The following KATNIP variants were observed in gnomAD, a reference collection of about 807,000 sequenced individuals.
The protein encoded by KATNIP is katanin-interacting protein.
A neutral mutation model predicts 174.0 loss-of-function variants in KATNIP; 126 were observed. The ratio of observed to expected loss-of-function variants is 0.72; its 90% CI spans 0.63 to 0.84. The LOEUF (loss-of-function observed/expected upper bound fraction) is 0.84, where lower values mean the gene tolerates loss of function less well. Ranked by LOEUF, KATNIP falls within the 40% of genes least tolerant of loss-of-function variation. The pLI, the probability that KATNIP is intolerant of heterozygous loss-of-function variation, is 0.00. For synonymous variants in KATNIP, 810 were observed against 835.7 expected, an observed-to-expected ratio of 0.97 and a Z score of 0.53; for missense variants, 1,958 against 2,109.7, an observed-to-expected ratio of 0.93 and a Z score of 1.41.
chr16:27,740,039 A>G lies in KATNIP; in HGVS notation c.1744-2A>G, dbSNP rs754103315. Reference sequence around the variant, plus strand: ...TCACTTTGTTAAATCTTATGGTTTCAGGATCTTGACATTGGTGCCAAGAAC... The same window carrying G: ...TCACTTTGTTAAATCTTATGGTTTCGGGATCTTGACATTGGTGCCAAGAAC... On this transcript the variant is annotated splice_acceptor_variant, in intron 14 of 27. Transcript: ENST00000261588. LOFTEE classifies it high-confidence loss of function. 3.7e-6 allele frequency: 6 copies of G among 1,607,730 alleles called. No homozygotes were observed. The Admixed American group carries it at 5.1e-5, about 14-fold the overall frequency.
intron 15 of KATNIP, among the ~76,000 whole-genome samples, chr16:27,741,321 C>T (rs1470176828): frequency 6.6e-6 from 1 of 152,142 alleles, no homozygotes; most frequent in Non-Finnish European, 1.5e-5. Flanking sequence ...GCCTGTAATC[C>T]CAGCACTTTG....
intron 18 of KATNIP, chr16:27,757,608 C>A: frequency 1.4e-6 from 1 of 718,002 alleles, no homozygotes; most frequent in South Asian, 6.3e-5. Flanking sequence ...CTTTTTACTG[C>A]AAGGCAAGTG....
chr16:27,574,856 T>C (rs548241782), intron 2 of KATNIP, among the ~76,000 whole-genome samples: 118 of 152,250 alleles, frequency 7.8e-4, no homozygotes, highest in African/African-American at 2.7e-3. Flanking sequence ...CGGCCCCACT[T>C]TCTGTTCTTG....
intron 14 of KATNIP, among the ~76,000 whole-genome samples, 194 bp downstream of exon 14, chr16:27,721,889 G>A (rs1441786942): frequency 2.6e-5 from 4 of 152,192 alleles, no homozygotes; most frequent in African/African-American, 9.7e-5. Flanking sequence ...CCGGCTGCTG[G>A]TGTTGGGAGG....
intron 8 of KATNIP, among the ~76,000 whole-genome samples, chr16:27,690,174 G>A (rs1015871338): frequency 6.6e-6 from 1 of 151,986 alleles, no homozygotes; most frequent in Admixed American, 6.6e-5. Context: ...AACTAGCTGG[G>A]TGATGTGGTG....
At chr16:27,752,590 C>T (rs545728561) in intron 17 of KATNIP, among the ~76,000 whole-genome samples, 2 of 152,314 alleles carry the variant, frequency 1.3e-5, no homozygotes, top group East Asian at 1.9e-4. Context: ...CTGGCACTGT[C>T]GCCCAGGCTG....
intron 3 of KATNIP, among the ~76,000 whole-genome samples, chr16:27,624,272 G>A (rs576979269): frequency 6.6e-6 from 1 of 152,142 alleles, no homozygotes; most frequent in East Asian, 1.9e-4. Context: ...GGTGGCCCAC[G>A]AGGAGGAGAC....
intron 6 of KATNIP, among the ~76,000 whole-genome samples, chr16:27,661,400 T>A (rs2077468923): frequency 6.6e-6 from 1 of 152,024 alleles, no homozygotes; most frequent in Admixed American, 6.6e-5. Context: ...TTCTTTCTTT[T>A]CTTTTTTTTG....
chr16:27,754,923 G>T (rs2081659107), intron 18 of KATNIP: 1 of 152,252 alleles, frequency 6.6e-6, no homozygotes, highest in Admixed American at 6.5e-5. Flanking sequence ...TTTTCTGCTG[G>T]GCCTGTTCCT....
intron 2 of KATNIP, among the ~76,000 whole-genome samples, chr16:27,602,287 G>T (rs933884037): frequency 6.6e-6 from 1 of 152,104 alleles, no homozygotes; most frequent in African/African-American, 2.4e-5. Context: ...AGGATGTCAG[G>T]TCTGCCCCAA....
At chr16:27,626,878 C>T (rs1465064412) in intron 3 of KATNIP, among the ~76,000 whole-genome samples, 4 of 151,566 alleles carry the variant, frequency 2.6e-5, no homozygotes, top group Admixed American at 2.0e-4. Context: ...GAATCAGAAT[C>T]GCTTGAACCC....
chr16:27,690,363 T>TAGATAGATAGATAATA (rs397837255), intron 8 of KATNIP, among the ~76,000 whole-genome samples: 2 of 90,986 alleles, frequency 2.2e-5, no homozygotes, highest in Admixed American at 1.1e-4. Flanking sequence ...GATAGATAGA[T>TAGATAGATAGATAATA]GATAGATAGA....
chr16:27,596,948 G>A (rs774803833), intron 2 of KATNIP, among the ~76,000 whole-genome samples: 4 of 151,320 alleles, frequency 2.6e-5, no homozygotes, highest in South Asian at 2.1e-4. Context: ...ACTTGAACCC[G>A]GAAGACAGAG....
chr16:27,648,422 G>A (rs2077023721), intron 5 of KATNIP, among the ~76,000 whole-genome samples, 182 bp from the exon 6 acceptor site: 1 of 152,220 alleles, frequency 6.6e-6, no homozygotes, highest in African/African-American at 2.4e-5. Context: ...TGCTGGCCCG[G>A]ATGAGGAGGA....
chr16:27,610,803 A>T (rs1042143468), intron 2 of KATNIP, among the ~76,000 whole-genome samples: 1 of 152,130 alleles, frequency 6.6e-6, no homozygotes, highest in Non-Finnish European at 1.5e-5. Flanking sequence ...CTCCCGTTCT[A>T]CTCAAAGTCA....
chr16:27,698,585 A>G (rs375614301), intron 9 of KATNIP, 85 bp downstream of exon 9: 13 of 1,373,548 alleles, frequency 9.5e-6, no homozygotes, highest in Non-Finnish European at 1.2e-5. Context: ...GCAAGTGTGC[A>G]GAAGAGAGAG....
intron 23 of KATNIP, 98 bp downstream of exon 23, chr16:27,773,307 C>A: frequency 1.3e-6 from 1 of 774,810 alleles, no homozygotes; most frequent in Non-Finnish European, 2.1e-6. Context: ...GGGAAATGGC[C>A]CTCTAGGAAC....
intron 2 of KATNIP, among the ~76,000 whole-genome samples, chr16:27,612,378 G>T (rs1483400003): frequency 6.6e-6 from 1 of 152,190 alleles, no homozygotes; most frequent in Non-Finnish European, 1.5e-5. Context: ...TGGGGGTGTT[G>T]TGAATGGTGG....
intron 19 of KATNIP, among the ~76,000 whole-genome samples, chr16:27,765,035 T>G (rs2082075326): frequency 1.3e-5 from 2 of 152,236 alleles, no homozygotes; most frequent in African/African-American, 4.8e-5. Flanking sequence ...AAAAAGTTTC[T>G]TTTCAAATCT....
Sources: gnomAD v4.1 joint callset for allele counts (sites outside exome capture counted in the v4.1 genomes callset) on GRCh38, gnomAD v4.1.1 for gene constraint, MANE v1.5 for transcripts, NCBI Gene and HGNC (gene_info 2026-07-23, HGNC 2026-07-21) for gene names.